Variants in ADAM10 observed in about 807,000 individuals in gnomAD.
The protein encoded by ADAM10 is ADAM metallopeptidase domain 10.
A neutral mutation model predicts 90.1 loss-of-function variants in ADAM10; 17 were observed. That is an observed-to-expected ratio of 0.19 (90% CI 0.13 to 0.28). ADAM10 has a LOEUF of 0.28. Among genes scored for constraint, ADAM10 ranks in the 10% least tolerant of loss-of-function variants. The probability of loss-of-function intolerance (pLI) is 1.00; values close to 1 mark genes in which losing one functional copy is unlikely to be tolerated. For synonymous variants in ADAM10, 310 were observed against 298.6 expected (o/e 1.04, Z -0.40); for missense variants, 610 against 914.3 (o/e 0.67, Z 4.29).
At chr15:58,624,682 G>T (rs1240399931) in intron 10 of ADAM10, among the ~76,000 whole-genome samples, 2 of 152,030 alleles carry the variant, frequency 1.3e-5, no homozygotes, top group Admixed American at 6.5e-5. Flanking sequence ...ACAGGCGCAC[G>T]CCACCATGCC....
chr15:58,696,299 C>CAA (rs75253917), intron 2 of ADAM10, among the ~76,000 whole-genome samples: 34 of 149,476 alleles, frequency 2.3e-4, no homozygotes, highest in Middle Eastern at 3.4e-3. Flanking sequence ...AAAACAACAA[C>CAA]AAAAAAAAAC....
intron 10 of ADAM10, among the ~76,000 whole-genome samples, chr15:58,625,660 A>G (rs1895915891): frequency 6.6e-6 from 1 of 152,202 alleles, no homozygotes; most frequent in South Asian, 2.1e-4. Flanking sequence ...GGGAGCATTT[A>G]TCTCAAAGTA....
chr15:58,711,889 G>A (rs937380208), intron 2 of ADAM10, among the ~76,000 whole-genome samples: 1 of 151,988 alleles, frequency 6.6e-6, no homozygotes, highest in African/African-American at 2.4e-5. Context: ...CTTTGAAACG[G>A]TGTTTCAGAA....
At position 58,673,168 on chromosome 15, in the gene ADAM10, C is replaced by T. The variant is rs143772207; in HGVS notation, c.484+5956G>A. 5.8e-3 allele frequency among the ~76,000 whole-genome samples: 880 copies of T among 152,222 alleles called. 5 individuals are homozygous for T. The highest frequency in any genetic ancestry group is 0.01 in the Non-Finnish European group (683 of 68,006). On this transcript the variant is annotated intron_variant, in intron 4 of 15. Transcript: ENST00000260408. ...ACAGATGGATGGAAGGACAGACAGA[C>T]GGACAGACAGCCCATCCTGGTGGTA... is the stretch of plus-strand genomic sequence containing the variant.
chr15:58,726,215 A>G (rs745424593), intron 1 of ADAM10, among the ~76,000 whole-genome samples: 18 of 152,190 alleles, frequency 1.2e-4, no homozygotes, highest in Non-Finnish European at 2.2e-4. Context: ...GTATACAGTG[A>G]TAAGTTATAG....
At chr15:58,690,217 T>G (rs573446258) in intron 2 of ADAM10, among the ~76,000 whole-genome samples, 2 of 152,204 alleles carry the variant, frequency 1.3e-5, no homozygotes, top group South Asian at 4.1e-4. Context: ...CTCAGCAAAC[T>G]AGGAAGAGAC....
intron 2 of ADAM10, among the ~76,000 whole-genome samples, chr15:58,703,006 T>C (rs2140793257): frequency 6.6e-6 from 1 of 152,340 alleles, no homozygotes; most frequent in East Asian, 1.9e-4. Flanking sequence ...CTACAATCTG[T>C]TTGACAGTCC....
At chr15:58,698,669 T>C (rs1898048650) in intron 2 of ADAM10, among the ~76,000 whole-genome samples, 1 of 151,524 alleles carries the variant, frequency 6.6e-6, no homozygotes, top group Non-Finnish European at 1.5e-5. Context: ...ACAAAAATTA[T>C]TTCAAAAGCT....
At chr15:58,685,135 T>C (rs1897553171) in intron 2 of ADAM10, among the ~76,000 whole-genome samples, 3 of 134,608 alleles carry the variant, frequency 2.2e-5, no homozygotes, top group African/African-American at 8.4e-5. Context: ...TGTAATCAAA[T>C]CATAGACCTC....
chr15:58,724,139 T>G (rs899074947), intron 1 of ADAM10, among the ~76,000 whole-genome samples: 3 of 151,068 alleles, frequency 2.0e-5, no homozygotes, highest in Non-Finnish European at 4.4e-5. Flanking sequence ...ATCGTGCCAT[T>G]GCACTCCAGC....
chr15:58,649,349 C>T (rs1158805563), intron 5 of ADAM10, among the ~76,000 whole-genome samples: 1 of 152,104 alleles, frequency 6.6e-6, no homozygotes, highest in African/African-American at 2.4e-5. Flanking sequence ...ACATACACAA[C>T]ATACAAATAT....
chr15:58,647,236 T>C (rs1351117953), intron 5 of ADAM10, among the ~76,000 whole-genome samples: 1 of 143,470 alleles, frequency 7.0e-6, no homozygotes, highest in African/African-American at 2.6e-5. Flanking sequence ...CAGCAAAGAG[T>C]AGACACTAAG....
At chr15:58,667,407 C>T (rs1175190295) in intron 4 of ADAM10, among the ~76,000 whole-genome samples, 3 of 152,068 alleles carry the variant, frequency 2.0e-5, no homozygotes, top group African/African-American at 7.2e-5. Context: ...ACTTTTTGCA[C>T]CCTCACTACC....
At chr15:58,611,179 G>A (rs752264196) in intron 12 of ADAM10, 72 bp from the exon 13 acceptor site, 18 of 1,036,378 alleles carry the variant, frequency 1.7e-5, no homozygotes, top group Non-Finnish European at 2.7e-5. Flanking sequence ...TAACAGACAG[G>A]CAAGTATGAG....
chr15:58,664,065 T>TA (rs1350325069), intron 5 of ADAM10, among the ~76,000 whole-genome samples: 2 of 152,082 alleles, frequency 1.3e-5, no homozygotes, highest in East Asian at 3.9e-4. Context: ...ACCCTCATGT[T>TA]AAAAATTCTT....
At chr15:58,736,627 A>T (rs923281638) in intron 1 of ADAM10, among the ~76,000 whole-genome samples, 109 of 152,304 alleles carry the variant, frequency 7.2e-4, no homozygotes, top group Admixed American at 7.1e-3. Flanking sequence ...TATTATTAAA[A>T]AGAGAGTAAA....
At chr15:58,648,480 T>A (rs1896608235) in intron 5 of ADAM10, among the ~76,000 whole-genome samples, 1 of 152,212 alleles carries the variant, frequency 6.6e-6, no homozygotes, top group African/African-American at 2.4e-5. Context: ...GTGAAAGATT[T>A]TCTACTCCAG....
At chr15:58,675,609 C>G (rs1327997485) in intron 4 of ADAM10, among the ~76,000 whole-genome samples, 3 of 152,132 alleles carry the variant, frequency 2.0e-5, no homozygotes, top group African/African-American at 7.2e-5. Context: ...GTGTTTTTTA[C>G]TAAGTACAGA....
chr15:58,619,776 C>T (rs190890429), intron 11 of ADAM10, among the ~76,000 whole-genome samples: 7 of 151,956 alleles, frequency 4.6e-5, no homozygotes, highest in African/African-American at 1.4e-4. Context: ...TGGTGGCGGG[C>T]GCCTGTAGTC....
Sources: allele counts gnomAD v4.1 joint callset (sites outside exome capture counted in the v4.1 genomes callset), GRCh38; gene constraint gnomAD v4.1.1; transcripts MANE v1.5; gene names NCBI Gene and HGNC (gene_info 2026-07-23, HGNC 2026-07-21).